The following ANKRD1 variants were observed in gnomAD, a reference collection of about 807,000 sequenced individuals.
ANKRD1 encodes the protein ankyrin repeat domain 1.
A neutral mutation model predicts 40.1 loss-of-function variants in ANKRD1; 32 were observed. That is an observed-to-expected ratio of 0.80 (90% CI 0.60 to 1.07). The LOEUF (loss-of-function observed/expected upper bound fraction) is 1.07. Among genes scored for constraint, ANKRD1 ranks in the 50% least tolerant of loss-of-function variants. ANKRD1 has a pLI of 0.00. For synonymous variants in ANKRD1, 149 were observed against 141.2 expected, an observed-to-expected ratio of 1.06 and a Z score of -0.39; for missense variants, 359 against 386.0, an observed-to-expected ratio of 0.93 and a Z score of 0.59.
intron 5 of ANKRD1, among the ~76,000 whole-genome samples, chr10:90,916,936 G>A (rs902564695): frequency 2.0e-5 from 3 of 152,068 alleles, no homozygotes; most frequent in African/African-American, 4.8e-5. Context: ...CAGTTGTAAC[G>A]TGTATAGTTA....
chr10:90,917,653 G>C, intron 5 of ANKRD1, 79 bp downstream of exon 5: 1 of 1,207,488 alleles, frequency 8.3e-7, no homozygotes, highest in Non-Finnish European at 1.2e-6. Flanking sequence ...CAATCAGCTC[G>C]GTTTTGCATT....
chr10:90,913,575 C>A (rs191346400), intron 8 of ANKRD1, among the ~76,000 whole-genome samples: 2 of 152,034 alleles, frequency 1.3e-5, no homozygotes, highest in Non-Finnish European at 2.9e-5. Flanking sequence ...ATTTTTGAGA[C>A]GAAATTTTGA....
At chr10:90,916,005 T>C (rs890262786) in intron 6 of ANKRD1, 125 bp from the exon 7 acceptor site, 2 of 890,476 alleles carry the variant, frequency 2.2e-6, no homozygotes, top group African/African-American at 3.6e-5. Flanking sequence ...GGCCTCCAGA[T>C]GACTTTAATG....
At chr10:90,919,056 C>T (rs1474045592) in intron 3 of ANKRD1, 75 bp downstream of exon 3, 1 of 1,596,080 alleles carries the variant, frequency 6.3e-7, no homozygotes, top group Non-Finnish European at 8.5e-7. Context: ...TTCAATCAAA[C>T]CCTCCACAGA....
At position 90,916,258 on chromosome 10, in the gene ANKRD1, T is replaced by C; in HGVS notation, c.564A>G (p.Thr188=). 3.1e-6 allele frequency: 5 copies of C among 1,613,752 alleles called. No homozygotes were observed. The highest frequency in any genetic ancestry group is 4.2e-6 in the Non-Finnish European group (5 of 1,179,698). Residue 188 remains threonine (T), a synonymous_variant, in exon 6 of 9, where the codon ACA becomes ACG. Coordinates refer to ENST00000371697, the MANE Select transcript of ANKRD1 (RefSeq NM_014391.3). The part of the protein sequence containing the change: ...QIEFRDMLES[T]AIHWASRGGN... ...CTCCACGGCTTGCCCAGTGGATGGC[T>C]GTGGATTCAAGCTATACCGGGAGGG...
At position 90,912,290 on chromosome 10, in the gene ANKRD1, G is replaced by GCAAAAA. The variant is rs1847322266; in HGVS notation, c.*575_*576insTTTTTG. 1 of 15,236 alleles carries GCAAAAA rather than the reference G, an allele frequency of 6.6e-5. No homozygotes were observed. The highest frequency in any genetic ancestry group is 1.4e-4 in the Non-Finnish European group (1 of 7,386). 0.9% of individuals were successfully genotyped at this position (15,236 alleles called of 1,614,324 possible). ...TTCACTTGGGTACTCTGTGTACTCG[G>GCAAAAA]TAAAAAAAAAAAAAAAAAAAAAAAA... On this transcript the variant is annotated 3_prime_UTR_variant, in exon 9 of 9. Coordinates refer to ENST00000371697, the MANE Select transcript of ANKRD1 (RefSeq NM_014391.3).
intron 1 of ANKRD1, 75 bp from the exon 2 acceptor site, chr10:90,920,423 G>C (rs1267224065): frequency 6.4e-7 from 1 of 1,567,388 alleles, no homozygotes. Flanking sequence ...AATGCCGCAG[G>C]AGGCTCTTGG....
chr10:90,920,608 C>T (rs1283228163), intron 1 of ANKRD1, among the ~76,000 whole-genome samples: 1 of 152,214 alleles, frequency 6.6e-6, no homozygotes, highest in African/African-American at 2.4e-5. Flanking sequence ...TGCTTAATCA[C>T]ATTTCTTTTA....
rs754657888 is a variant in ANKRD1 at position 90,912,945 on chromosome 10, T to C, written c.881A>G (p.His294Arg). The part of the protein sequence containing the change: ...AGKTPMDLVL[H>R]WQNGTKAIFD... ...TATTGCTTTGGTTCCATTCTGCCAG[T>C]GTAGCACCAGATCCATCGGCGTCTT... Residue 294 changes from histidine to arginine, a missense_variant, in exon 9 of 9, where the codon CAC becomes CGC. Physicochemically the swap from His to Arg is conservative, Grantham distance 29. Transcript: ENST00000371697. 34 of 1,613,980 alleles carry C rather than the reference T, an allele frequency of 2.1e-5. No individual in the cohort carries two copies. The highest frequency in any genetic ancestry group is 2.8e-5 in the Non-Finnish European group (33 of 1,179,950).
intron 8 of ANKRD1, among the ~76,000 whole-genome samples, chr10:90,914,719 C>CA (rs1847351229): frequency 4.8e-5 from 2 of 41,802 alleles, no homozygotes; most frequent in Admixed American, 2.8e-4. Flanking sequence ...CTGAGTTTCC[C>CA]TCCCCCCCCC....
Position 90,918,991 on chromosome 10 carries a change from A to ATATATATATATATTTTCACTAT in ANKRD1, c.346-20_346-19insATAGTGAAAATATATATATATA. On this transcript the variant is annotated intron_variant, in intron 3 of 8. Transcript: ENST00000371697. ...GTTCCGTCTAAAGCCAAAATAAATA[A>ATATATATATATATTTTCACTAT]ATATATATATATATATATATATATA... 3.8e-6 allele frequency: 1 copy of ATATATATATATATTTTCACTAT among 266,494 alleles called. No homozygotes were observed. Among genetic ancestry groups the ATATATATATATATTTTCACTAT allele is most frequent in the South Asian group, 9.6e-5 (1 of 10,380 alleles). The allele number at this position is 266,494 out of a possible 1,614,324, so 16.5% of individuals were successfully genotyped here.
At position 90,912,814 on chromosome 10, in the gene ANKRD1, A is replaced by G; in HGVS notation, c.*52T>C. On this transcript the variant is annotated 3_prime_UTR_variant, in exon 9 of 9. Transcript: ENST00000371697. ...TGGCTAGTGTCTCTTCTCTTGGGCC[A>G]TGCCTTCAAAATGCCAGTGAACATT... The G allele has an allele frequency of 6.6e-7, 1 of 1,508,958 alleles. No individual in the cohort carries two copies. The highest frequency in any genetic ancestry group is 1.1e-5 in the South Asian group (1 of 88,846). The allele number at this position is 1,508,958 out of a possible 1,614,324, so 93.5% of individuals were successfully genotyped here.
intron 6 of ANKRD1, 56 bp from the exon 7 acceptor site, chr10:90,915,936 A>G: frequency 6.5e-7 from 1 of 1,544,962 alleles, no homozygotes; most frequent in South Asian, 1.1e-5. Flanking sequence ...AGGCTGTCCC[A>G]GACCCCAAGA....
At chr10:90,913,111 C>G in intron 8 of ANKRD1, 135 bp from the exon 9 acceptor site, 1 of 845,024 alleles carries the variant, frequency 1.2e-6, no homozygotes, top group Non-Finnish European at 2.0e-6. Context: ...CAGGAGTGAT[C>G]TGCAGTTTAT....
intron 8 of ANKRD1, among the ~76,000 whole-genome samples, chr10:90,913,406 G>C (rs922288598): frequency 1.3e-5 from 2 of 152,286 alleles, no homozygotes; most frequent in East Asian, 3.9e-4. Flanking sequence ...GATGGTAAAT[G>C]AGCTGCATCA....
intron 2 of ANKRD1, 21 bp downstream of exon 2, chr10:90,920,148 G>T: frequency 1.2e-6 from 2 of 1,612,820 alleles, no homozygotes; most frequent in Non-Finnish European, 1.7e-6. Context: ...CCTACTAGTG[G>T]ATTCCACAGA....
chr10:90,914,925 A>C (rs1847354283), intron 8 of ANKRD1, among the ~76,000 whole-genome samples: 1 of 152,182 alleles, frequency 6.6e-6, no homozygotes, highest in Admixed American at 6.5e-5. Flanking sequence ...TTATACAAGA[A>C]TTTTCAGGGC....
At position 90,920,231 on chromosome 10, in the gene ANKRD1, G is replaced by C; in HGVS notation, c.145C>G (p.Leu49Val). The C allele has an allele frequency of 6.2e-7, 1 of 1,614,110 alleles. No individual in the cohort carries two copies. Among genetic ancestry groups the C allele is most frequent in the Middle Eastern group, 1.7e-4 (1 of 6,046 alleles). ...TCCCCCAGGGTCACAGGGTGGGCTA[G>C]AAGTGTCTTCAGATCCTCCTGCTTC... ...LEKQEDLKTLLAHPVTLGEQQ... is the reference protein window; with the variant it reads ...LEKQEDLKTLVAHPVTLGEQQ... The change falls in exon 2 of 9, where the codon CTA becomes GTA. Residue 49 changes from leucine to valine, a missense_variant. By Grantham distance (32) the Leu-to-Val change is conservative. Transcript: ENST00000371697.
rs147204218 is a variant in ANKRD1 at position 90,919,528 on chromosome 10, C to T, written c.208-260G>A. Among the ~76,000 whole-genome samples the T allele has an allele frequency of 9.7e-3, 1,477 of 152,262 alleles. 23 individuals are homozygous for T. The highest frequency in any genetic ancestry group is 0.034 in the African/African-American group (1,404 of 41,540). ...ATCAGCCCTTGACCAATTGAGGACA[C>T]GATCTGGTCTCTAAGTGATGACTTT... On this transcript the variant is annotated intron_variant, in intron 2 of 8. Coordinates refer to ENST00000371697, the MANE Select transcript of ANKRD1 (RefSeq NM_014391.3).
Sources: gnomAD v4.1 joint callset for allele counts (sites outside exome capture counted in the v4.1 genomes callset) on GRCh38, gnomAD v4.1.1 for gene constraint, MANE v1.5 for transcripts, NCBI Gene and HGNC (gene_info 2026-07-23, HGNC 2026-07-21) for gene names.